The following MYO6 variants were observed in gnomAD, a reference collection of about 807,000 sequenced individuals.
MYO6 encodes the protein myosin VI.
In MYO6, 74 loss-of-function variants were observed where a neutral mutation model predicts 178.7. That is an observed-to-expected ratio of 0.41 (90% CI 0.34 to 0.50). The LOEUF (loss-of-function observed/expected upper bound fraction) is 0.50. Ranked by LOEUF, MYO6 falls within the 20% of genes least tolerant of loss-of-function variation. MYO6 has a pLI of 0.09. For synonymous variants in MYO6, 477 were observed against 504.6 expected (o/e 0.95, Z 0.73); for missense variants, 1,330 against 1,547.4 (o/e 0.86, Z 2.36).
At chr6:75,885,639 G>C (rs1778370673) in intron 23 of MYO6, among the ~76,000 whole-genome samples, 1 of 152,106 alleles carries the variant, frequency 6.6e-6, no homozygotes. Context: ...GTAGAGACGG[G>C]GTTTCACCGT....
chr6:75,904,466 A>G (rs906578147), intron 30 of MYO6, among the ~76,000 whole-genome samples: 2 of 151,162 alleles, frequency 1.3e-5, no homozygotes, highest in African/African-American at 4.9e-5. Context: ...TTCTTGCTTC[A>G]TTTCATTCAT....
chr6:75,865,258 G>C (rs888245516), intron 16 of MYO6: 2 of 149,590 alleles, frequency 1.3e-5, no homozygotes, highest in East Asian at 4.0e-4. Context: ...TGCCTGGCCA[G>C]TACTAACTGG....
chr6:75,750,132 G>C lies in MYO6; in HGVS notation c.-48+709G>C, dbSNP rs1193663097. On this transcript the variant is annotated intron_variant, in intron 1 of 34. Coordinates refer to ENST00000369977, the MANE Select transcript of MYO6 (RefSeq NM_004999.4). Reference sequence around the variant, plus strand: ...TTTTTTTGAGACGGAGCCTTGGTCTGTCGCCCAGGCTGGAGTGCGGTGGTG... The same window carrying C: ...TTTTTTTGAGACGGAGCCTTGGTCTCTCGCCCAGGCTGGAGTGCGGTGGTG... 2.9e-5 allele frequency among the ~76,000 whole-genome samples: 4 copies of C among 138,290 alleles called. No individual in the cohort carries two copies. The East Asian group carries it at 6.3e-4, about 22-fold the overall frequency. 90.7% of individuals were successfully genotyped at this position (138,290 alleles called of 152,430 possible).
chr6:75,787,750 ATATATATATATG>A (rs1767797152), intron 1 of MYO6, among the ~76,000 whole-genome samples: 1 of 118,886 alleles, frequency 8.4e-6, no homozygotes, highest in South Asian at 2.7e-4. Flanking sequence ...ATATATATAT[ATATATATATATG>A]TATTTTTTTT....
chr6:75,831,046 T>C (rs967715732), intron 5 of MYO6, among the ~76,000 whole-genome samples: 3 of 152,200 alleles, frequency 2.0e-5, no homozygotes, highest in Non-Finnish European at 4.4e-5. Flanking sequence ...AAGTAGTATA[T>C]GCTTCATACC....
chr6:75,885,498 G>T (rs1778358165), intron 23 of MYO6, among the ~76,000 whole-genome samples: 1 of 151,842 alleles, frequency 6.6e-6, no homozygotes, highest in African/African-American at 2.4e-5. Context: ...ACCCAGGCCG[G>T]AGTGCAGTGG....
intron 14 of MYO6, among the ~76,000 whole-genome samples, chr6:75,860,687 A>C (rs1776125049): frequency 6.6e-6 from 1 of 152,230 alleles, no homozygotes; most frequent in Admixed American, 6.5e-5. Flanking sequence ...AAATCCCTTT[A>C]AAAATTTTAA....
intron 15 of MYO6, 52 bp downstream of exon 15, chr6:75,861,147 G>A: frequency 7.4e-7 from 1 of 1,343,750 alleles, no homozygotes; most frequent in Non-Finnish European, 1.1e-6. Flanking sequence ...TGTAGTGAAT[G>A]TGTTTAGTGC....
In MYO6 at chr6:75,782,153, T is replaced by A. The variant is rs557799773; in HGVS notation, c.-48+32730T>A. Among the ~76,000 whole-genome samples the A allele has an allele frequency of 8.5e-5, 13 of 152,236 alleles. No homozygotes were observed. The South Asian group carries it at 2.5e-3, about 29-fold the overall frequency. ...GGCTTAATGAAAATTTCAAAAAACA[T>A]ATTTTCCTTTGCATTTTGAATCTGA... On this transcript the variant is annotated intron_variant, in intron 1 of 34. Coordinates refer to ENST00000369977, the MANE Select transcript of MYO6 (RefSeq NM_004999.4).
At chr6:75,778,585 A>G (rs1283825210) in intron 1 of MYO6, among the ~76,000 whole-genome samples, 2 of 151,636 alleles carry the variant, frequency 1.3e-5, no homozygotes, top group African/African-American at 4.8e-5. Context: ...TGACAGAGCG[A>G]GACTCCGTCT....
At chr6:75,863,334 C>G (rs1776361833) in intron 16 of MYO6, among the ~76,000 whole-genome samples, 1 of 152,124 alleles carries the variant, frequency 6.6e-6, no homozygotes, top group Non-Finnish European at 1.5e-5. Context: ...ACCCTCTTTC[C>G]TAAGGAGTTT....
intron 10 of MYO6, 40 bp downstream of exon 10, chr6:75,845,017 A>G (rs750016853): frequency 6.0e-6 from 9 of 1,487,640 alleles, no homozygotes; most frequent in Non-Finnish European, 7.5e-6. Context: ...TAACTTAAAA[A>G]AAAACTCATG....
intron 30 of MYO6, among the ~76,000 whole-genome samples, chr6:75,899,617 C>G (rs1020809644): frequency 6.6e-6 from 1 of 150,816 alleles, no homozygotes; most frequent in Non-Finnish European, 1.5e-5. Context: ...ACTTAGACCG[C>G]TTATGAAAAG....
intron 24 of MYO6, 95 bp downstream of exon 24, chr6:75,886,189 C>T: frequency 6.5e-6 from 5 of 769,972 alleles, no homozygotes; most frequent in Non-Finnish European, 1.1e-5. Context: ...TTTGGATACT[C>T]AGGTTTTCTC....
In MYO6 at chr6:75,869,316, T is replaced by C. The variant is rs144981401; in HGVS notation, c.1945-1331T>C. Reference sequence around the variant, plus strand: ...AACTTAAGCTTCTCAGTATATGTGATGTATACTGTAATAGTATCACTCACA... The same window carrying C: ...AACTTAAGCTTCTCAGTATATGTGACGTATACTGTAATAGTATCACTCACA... On this transcript the variant is annotated intron_variant, in intron 18 of 34. Transcript: ENST00000369977. Among the ~76,000 whole-genome samples the C allele has an allele frequency of 3.5e-3, 531 of 152,264 alleles. 3 individuals carry two copies. Among genetic ancestry groups the C allele is most frequent in the Non-Finnish European group, 5.9e-3 (404 of 68,008 alleles).
Position 75,789,521 on chromosome 6 carries a change from G to GT in MYO6, c.-47-27973dup, listed in dbSNP as rs537034653. 4.0e-4 allele frequency among the ~76,000 whole-genome samples: 61 copies of GT among 151,334 alleles called. No homozygotes were observed. The South Asian group carries it at 0.012, about 31-fold the overall frequency. ...TTTATTGTTAAATATTTATTTCCAA[G>GT]TTTTTTTCTTTGTTTTGTTTTTCAC... On this transcript the variant is annotated intron_variant, in intron 1 of 34. Coordinates refer to ENST00000369977, the MANE Select transcript of MYO6 (RefSeq NM_004999.4).
At chr6:75,758,448 CTG>C in intron 1 of MYO6, among the ~76,000 whole-genome samples, 1 of 152,056 alleles carries the variant, frequency 6.6e-6, no homozygotes, top group African/African-American at 2.4e-5. Flanking sequence ...ATTGTAATGA[CTG>C]TTTCAGCTTT....
chr6:75,751,731 C>T (rs1266523453), intron 1 of MYO6, among the ~76,000 whole-genome samples: 2 of 152,086 alleles, frequency 1.3e-5, no homozygotes, highest in Admixed American at 1.3e-4. Flanking sequence ...GACAACTGGG[C>T]TGTATCTGGG....
At chr6:75,788,812 C>T (rs763713604) in intron 1 of MYO6, among the ~76,000 whole-genome samples, 3 of 152,118 alleles carry the variant, frequency 2.0e-5, no homozygotes, top group Non-Finnish European at 2.9e-5. Flanking sequence ...CTTGGAGGAA[C>T]TTGGAGCAGT....
Sources: allele counts gnomAD v4.1 joint callset (sites outside exome capture counted in the v4.1 genomes callset), GRCh38; gene constraint gnomAD v4.1.1; transcripts MANE v1.5; gene names NCBI Gene and HGNC (gene_info 2026-07-23, HGNC 2026-07-21).